AP1G1: variants seen among roughly 807,000 people sequenced by gnomAD.
AP1G1 encodes AP-1 complex subunit gamma-1.
A neutral mutation model predicts 108.3 loss-of-function variants in AP1G1; 7 were observed. That is an observed-to-expected ratio of 0.06 (90% CI 0.04 to 0.12). AP1G1 has a LOEUF of 0.12. Among genes scored for constraint, AP1G1 ranks in the 10% least tolerant of loss-of-function variants. The pLI is 1.00. For synonymous variants in AP1G1, 379 were observed against 353.5 expected, an observed-to-expected ratio of 1.07 and a Z score of -0.81; for missense variants, 756 against 1,010.7, an observed-to-expected ratio of 0.75 and a Z score of 3.42.
At chr16:71,752,751 A>G (rs1209390592) in intron 13 of AP1G1, among the ~76,000 whole-genome samples, 1 of 152,214 alleles carries the variant, frequency 6.6e-6, no homozygotes, top group African/African-American at 2.4e-5. Context: ...ATACTCCCAT[A>G]AAGTGAAGAG....
rs766228976 is a variant in AP1G1, at chr16:71,758,803, G to A, written c.1088+5C>T. 2 of 1,554,504 alleles carry A rather than the reference G, an allele frequency of 1.3e-6. No individual in the cohort carries two copies. The highest frequency in any genetic ancestry group is 2.2e-5 in the East Asian group (1 of 44,556). The stretch of plus-strand genomic sequence containing the variant: ...CTAGACTGAGAAAGGCTCTCAGTTT[G>A]TTACCGTTTTATTGAGACATCCAAA... On this transcript the variant is annotated splice_donor_5th_base_variant and intron_variant, in intron 11 of 22. Coordinates refer to ENST00000299980, the MANE Select transcript of AP1G1 (RefSeq NM_001128.6).
At chr16:71,771,302 G>T in intron 4 of AP1G1, 50 bp from the exon 5 acceptor site, 2 of 1,098,342 alleles carry the variant, frequency 1.8e-6, no homozygotes, top group Non-Finnish European at 2.5e-6. Flanking sequence ...ATTATGCCAG[G>T]GCAACCAATC....
At chr16:71,781,066 C>T (rs1233545847) in intron 2 of AP1G1, among the ~76,000 whole-genome samples, 1 of 152,172 alleles carries the variant, frequency 6.6e-6, no homozygotes, top group East Asian at 1.9e-4. Context: ...GATCCTTCTG[C>T]CTTGGCCTCC....
intron 1 of AP1G1, among the ~76,000 whole-genome samples, chr16:71,805,076 T>C (rs1382148129): frequency 3.3e-5 from 5 of 152,038 alleles, no homozygotes; most frequent in Non-Finnish European, 5.9e-5. Context: ...GAAAAAAAAT[T>C]GTTTGCTACT....
chr16:71,756,668 G>A (rs578094571), intron 11 of AP1G1, among the ~76,000 whole-genome samples: 23 of 152,306 alleles, frequency 1.5e-4, no homozygotes, highest in African/African-American at 7.2e-5. Flanking sequence ...AAGGCCGAGC[G>A]TGGTGGCTCA....
intron 5 of AP1G1, among the ~76,000 whole-genome samples, chr16:71,770,749 C>T (rs1206107331): frequency 6.6e-6 from 1 of 152,210 alleles, no homozygotes; most frequent in African/African-American, 2.4e-5. Flanking sequence ...GGATTACAGG[C>T]ATGAGCTACC....
chr16:71,733,239 A>C, intron 22 of AP1G1, 80 bp from the exon 23 acceptor site: 1 of 1,161,384 alleles, frequency 8.6e-7, no homozygotes, highest in South Asian at 1.4e-5. Context: ...ATAGACTTTT[A>C]ATCTTAGAGG....
At chr16:71,767,986 C>A (rs761751393) in intron 6 of AP1G1, 46 of 1,342,754 alleles carry the variant, frequency 3.4e-5, no homozygotes, top group Admixed American at 5.5e-5. Flanking sequence ...ATAATTTAAT[C>A]AAGACATGAA....
intron 1 of AP1G1, among the ~76,000 whole-genome samples, chr16:71,804,598 G>A (rs891325287): frequency 1.3e-5 from 2 of 150,644 alleles, no homozygotes; most frequent in African/African-American, 2.4e-5. Context: ...AGTACAGACG[G>A]GATTTCATCA....
intron 21 of AP1G1, among the ~76,000 whole-genome samples, chr16:71,737,978 A>G (rs1030761504): frequency 6.6e-6 from 1 of 152,260 alleles, no homozygotes; most frequent in East Asian, 1.9e-4. Context: ...AGCAGCCTAA[A>G]ATACTTACTG....
chr16:71,750,439 G>C, intron 13 of AP1G1, 107 bp from the exon 14 acceptor site: 3 of 1,394,840 alleles, frequency 2.2e-6, no homozygotes, highest in Non-Finnish European at 2.9e-6. Context: ...TTTTGAGACA[G>C]AGTCTCGCTC....
At chr16:71,764,753 A>G (rs2031244285) in intron 7 of AP1G1, 27 bp from the exon 8 acceptor site, 4 of 1,441,630 alleles carry the variant, frequency 2.8e-6, no homozygotes, top group Non-Finnish European at 3.9e-6. Context: ...GAGAGGTGTC[A>G]ACAAATTATG....
At chr16:71,754,409 A>C (rs916522531) in intron 12 of AP1G1, among the ~76,000 whole-genome samples, 1 of 152,214 alleles carries the variant, frequency 6.6e-6, no homozygotes, top group African/African-American at 2.4e-5. Context: ...ATCCTGTCCT[A>C]CAGTCTTTTC....
chr16:71,735,839 A>G (rs1188425013), intron 21 of AP1G1, among the ~76,000 whole-genome samples: 2 of 151,580 alleles, frequency 1.3e-5, no homozygotes, highest in African/African-American at 2.4e-5. Flanking sequence ...TTCACTCTCA[A>G]TGTACAGATA....
Position 71,739,216 on chromosome 16 carries a change from T to C in AP1G1, c.2107+18A>G. 2.5e-6 allele frequency: 4 copies of C among 1,610,466 alleles called. No homozygotes were observed. The highest frequency in any genetic ancestry group is 3.4e-6 in the Non-Finnish European group (4 of 1,177,184). ...TACTCAGTGCTCCATGTAATGATGG[T>C]AACAACAGTCATCGTACCTGCAGCA... is the stretch of plus-strand genomic sequence containing the variant. On this transcript the variant is annotated intron_variant, in intron 20 of 22. Coordinates refer to ENST00000299980, the MANE Select transcript of AP1G1 (RefSeq NM_001128.6).
chr16:71,780,869 A>G (rs1319264952), intron 2 of AP1G1, among the ~76,000 whole-genome samples: 1 of 145,492 alleles, frequency 6.9e-6, no homozygotes, highest in Non-Finnish European at 1.5e-5. Context: ...CCCAGGCTGG[A>G]GCGGGGTTTC....
intron 4 of AP1G1, among the ~76,000 whole-genome samples, chr16:71,772,020 A>G: frequency 6.6e-6 from 1 of 152,222 alleles, no homozygotes; most frequent in Non-Finnish European, 1.5e-5. Flanking sequence ...AGTAACTATA[A>G]CTACTATATG....
At chr16:71,742,376 T>C (rs1597036576) in intron 19 of AP1G1, 1 of 152,122 alleles carries the variant, frequency 6.6e-6, no homozygotes, top group Admixed American at 6.5e-5. Flanking sequence ...TAAAATATAA[T>C]AGGACCAAAT....
chr16:71,799,002 T>C (rs1016990132), intron 1 of AP1G1, among the ~76,000 whole-genome samples: 2 of 146,004 alleles, frequency 1.4e-5, no homozygotes, highest in Non-Finnish European at 3.0e-5. Flanking sequence ...GAAAGAAAAA[T>C]GAAGCAAGGA....
Sources: gnomAD v4.1 joint callset for allele counts (sites outside exome capture counted in the v4.1 genomes callset) on GRCh38, gnomAD v4.1.1 for gene constraint, MANE v1.5 for transcripts, NCBI Gene and HGNC (gene_info 2026-07-23, HGNC 2026-07-21) for gene names.